The following MAP3K5 variants were observed in gnomAD, a reference collection of about 807,000 sequenced individuals.
The protein encoded by MAP3K5 is ASK-1.
MAP3K5 carries 56 observed loss-of-function variants against 158.7 expected under a neutral mutation model. The observed-to-expected ratio is 0.35, with a 90% confidence interval of 0.28 to 0.44. The LOEUF is 0.44. Ranked by LOEUF, MAP3K5 falls within the 20% of genes least tolerant of loss-of-function variation. The pLI, the probability that MAP3K5 is intolerant of heterozygous loss-of-function variation, is 1.00. For synonymous variants in MAP3K5, 579 were observed against 601.7 expected (o/e 0.96, Z 0.55); for missense variants, 1,294 against 1,674.8 (o/e 0.77, Z 3.97).
intron 1 of MAP3K5, among the ~76,000 whole-genome samples, chr6:136,773,993 T>C (rs1471053562): frequency 2.6e-5 from 4 of 152,192 alleles, no homozygotes; most frequent in African/African-American, 9.7e-5. Context: ...TCCTTAGTTC[T>C]ATCATAGGCC....
At chr6:136,580,248 A>C (rs927103305) in intron 25 of MAP3K5, 53 bp downstream of exon 25, 6 of 1,156,390 alleles carry the variant, frequency 5.2e-6, no homozygotes, top group East Asian at 4.7e-5. Context: ...GATGAACAGT[A>C]ATCTAAAATA....
At chr6:136,629,336 T>C (rs1383857756) in intron 14 of MAP3K5, 1 of 152,182 alleles carries the variant, frequency 6.6e-6, no homozygotes, top group African/African-American at 2.4e-5. Flanking sequence ...CTGTATGGCC[T>C]TCTTTATATG....
chr6:136,721,971 A>G (rs1733690546), intron 1 of MAP3K5, among the ~76,000 whole-genome samples: 1 of 152,230 alleles, frequency 6.6e-6, no homozygotes, highest in Non-Finnish European at 1.5e-5. Flanking sequence ...GCATCTAGGT[A>G]TTCCCATGAA....
intron 2 of MAP3K5, among the ~76,000 whole-genome samples, chr6:136,709,158 G>A (rs964873893): frequency 2.6e-5 from 4 of 152,020 alleles, no homozygotes; most frequent in South Asian, 2.1e-4. Context: ...ACTTCCTCGC[G>A]TGCAAAGACC....
At chr6:136,749,782 G>C (rs1477197801) in intron 1 of MAP3K5, among the ~76,000 whole-genome samples, 1 of 152,086 alleles carries the variant, frequency 6.6e-6, no homozygotes, top group Non-Finnish European at 1.5e-5. Flanking sequence ...AAAGACTGAG[G>C]GCCAGGATGA....
intron 1 of MAP3K5, among the ~76,000 whole-genome samples, chr6:136,769,841 A>G (rs1582673704): frequency 3.4e-5 from 1 of 29,206 alleles, no homozygotes; most frequent in Non-Finnish European, 5.9e-5. Flanking sequence ...GAAGGGAGGG[A>G]GGGAGGGAGG....
intron 21 of MAP3K5, among the ~76,000 whole-genome samples, chr6:136,593,419 T>G (rs148422413): frequency 6.6e-6 from 1 of 152,270 alleles, no homozygotes; most frequent in East Asian, 1.9e-4. Context: ...ATAGGAAGTT[T>G]TTATGAATCA....
chr6:136,685,262 G>A (rs1320258651), intron 7 of MAP3K5, among the ~76,000 whole-genome samples: 1 of 152,162 alleles, frequency 6.6e-6, no homozygotes, highest in African/African-American at 2.4e-5. Context: ...AGGCTGCAGT[G>A]AGCCAAGATT....
chr6:136,710,606 C>T (rs567000751), intron 2 of MAP3K5, among the ~76,000 whole-genome samples: 1 of 152,218 alleles, frequency 6.6e-6, no homozygotes, highest in South Asian at 2.1e-4. Flanking sequence ...GTATTTCCAC[C>T]ACTAGAAAGT....
Position 136,637,411 on chromosome 6 carries a change from A to C in MAP3K5, c.1935-5T>G, listed in dbSNP as rs1181530499. On this transcript the variant is annotated splice_polypyrimidine_tract_variant and splice_region_variant and intron_variant, in intron 13 of 29. Transcript: ENST00000359015. ...GTGTTCACCATCTCAAAAAACCTAC[A>C]ATACAAGTTAGCACGTGAGCATTCA... 6.5e-7 allele frequency: 1 copy of C among 1,530,338 alleles called. No homozygotes were observed. Among genetic ancestry groups the C allele is most frequent in the Non-Finnish European group, 9.1e-7 (1 of 1,103,676 alleles). The allele number at this position is 1,530,338 out of a possible 1,614,324, so 94.8% of individuals were successfully genotyped here. A position where few individuals can be genotyped will look rare whatever the true frequency, so the allele number is the denominator to read the frequency against.
intron 1 of MAP3K5, among the ~76,000 whole-genome samples, chr6:136,789,986 C>T (rs111499811): frequency 6.6e-6 from 1 of 152,064 alleles, no homozygotes; most frequent in African/African-American, 2.4e-5. Flanking sequence ...GCCACCACGC[C>T]TGGCCCAAGC....
At chr6:136,684,278 T>C (rs185707226) in intron 7 of MAP3K5, among the ~76,000 whole-genome samples, 49 of 152,198 alleles carry the variant, frequency 3.2e-4, no homozygotes, top group Admixed American at 2.7e-3. Flanking sequence ...ACAAGGTTCC[T>C]GTAAGCCTCC....
intron 2 of MAP3K5, among the ~76,000 whole-genome samples, chr6:136,717,372 G>A (rs1055834099): frequency 3.9e-5 from 6 of 151,948 alleles, no homozygotes; most frequent in South Asian, 2.1e-4. Flanking sequence ...TTTTTTCTAC[G>A]ATTTCTTCCT....
In MAP3K5 at chr6:136,597,806, C is replaced by T. The variant is rs76319489; in HGVS notation, c.2878+3216G>A. ...AAATAAACCATCCTCACACAGCCAT[C>T]GGAATGATCCATCAATAGCTTCACT... On this transcript the variant is annotated intron_variant, in intron 21 of 29. Transcript: ENST00000359015. 0.013 allele frequency among the ~76,000 whole-genome samples: 2,031 copies of T among 152,278 alleles called. 110 individuals are homozygous for T. In the East Asian group the frequency reaches 0.14, roughly 11 times the overall value.
chr6:136,640,079 C>A (rs1287314078), intron 12 of MAP3K5, among the ~76,000 whole-genome samples: 1 of 152,198 alleles, frequency 6.6e-6, no homozygotes, highest in African/African-American at 2.4e-5. Flanking sequence ...GCACCTCATT[C>A]ATTATAGAGA....
At chr6:136,631,087 A>T (rs1244620721) in intron 14 of MAP3K5, among the ~76,000 whole-genome samples, 2 of 152,202 alleles carry the variant, frequency 1.3e-5, no homozygotes, top group Admixed American at 1.3e-4. Flanking sequence ...GGACAGAGGG[A>T]GATTCTGTTT....
chr6:136,738,897 C>T (rs1186405055), intron 1 of MAP3K5, among the ~76,000 whole-genome samples: 5 of 151,816 alleles, frequency 3.3e-5, no homozygotes, highest in Admixed American at 1.3e-4. Flanking sequence ...ATACTAAGTG[C>T]TAAGGTCCAA....
At chr6:136,617,213 A>G (rs971469988) in intron 15 of MAP3K5, among the ~76,000 whole-genome samples, 3 of 152,236 alleles carry the variant, frequency 2.0e-5, no homozygotes, top group Non-Finnish European at 2.9e-5. Flanking sequence ...AATATAAAAA[A>G]TATTACAAAC....
chr6:136,640,468 C>T (rs1416392061), intron 12 of MAP3K5, among the ~76,000 whole-genome samples: 4 of 152,072 alleles, frequency 2.6e-5, no homozygotes, highest in Non-Finnish European at 4.4e-5. Flanking sequence ...TCGTTTTTTA[C>T]TTTTAAAAGA....
Sources: allele counts gnomAD v4.1 joint callset (sites outside exome capture counted in the v4.1 genomes callset), GRCh38; gene constraint gnomAD v4.1.1; transcripts MANE v1.5; gene names NCBI Gene and HGNC (gene_info 2026-07-23, HGNC 2026-07-21).